NUDC: variants seen among roughly 807,000 people sequenced by gnomAD.
The protein encoded by NUDC is nuclear distribution C, dynein complex regulator, also known as nuclear migration protein nudC.
Under a neutral mutation model 45.0 loss-of-function variants are expected in NUDC, and 14 were observed. The ratio of observed to expected loss-of-function variants is 0.31; its 90% CI spans 0.21 to 0.49. NUDC has a LOEUF of 0.49. NUDC is among the 20% of genes least tolerant of loss of function. The pLI is 0.99. For missense variants in NUDC, 323 were observed against 426.2 expected (o/e 0.76, Z 2.13); for synonymous variants, 153 against 156.7 (o/e 0.98, Z 0.17).
intron 2 of NUDC, among the ~76,000 whole-genome samples, chr1:26,936,326 A>T (rs984868499): frequency 2.7e-5 from 4 of 149,326 alleles, no homozygotes; most frequent in African/African-American, 9.9e-5. Flanking sequence ...AGTAGCTGGG[A>T]TTACAGGCAT....
chr1:26,922,190 T>G, intron 1 of NUDC: 1 of 556,808 alleles, frequency 1.8e-6, no homozygotes, highest in Non-Finnish European at 3.2e-6. Context: ...GTTTCACATA[T>G]GCCCCCACCC....
At chr1:26,933,968 C>G (rs1424996777) in intron 2 of NUDC, among the ~76,000 whole-genome samples, 2 of 152,138 alleles carry the variant, frequency 1.3e-5, no homozygotes, top group Non-Finnish European at 2.9e-5. Flanking sequence ...TCCTGGCCAA[C>G]ATGGTGAAAC....
intron 3 of NUDC, chr1:26,913,413 G>C (rs757929402): frequency 6.2e-7 from 1 of 1,614,128 alleles, no homozygotes; most frequent in Non-Finnish European, 8.5e-7. Context: ...GCTCACCGGG[G>C]TTGAAGAGGA....
chr1:26,941,939 G>A (rs1013090872), intron 4 of NUDC, 121 bp downstream of exon 4: 46 of 938,620 alleles, frequency 4.9e-5, no homozygotes, highest in Non-Finnish European at 6.3e-5. Flanking sequence ...CTGGCTTTGG[G>A]AATCTTCCCC....
chr1:26,940,015 G>T (rs1249161800), intron 2 of NUDC, among the ~76,000 whole-genome samples: 3 of 152,178 alleles, frequency 2.0e-5, no homozygotes, highest in Admixed American at 2.0e-4. Context: ...TTGTCCTTGG[G>T]TAGCAGGGAG....
intron 2 of NUDC, among the ~76,000 whole-genome samples, chr1:26,926,695 G>T (rs1267590901): frequency 6.6e-6 from 1 of 151,930 alleles, no homozygotes; most frequent in Non-Finnish European, 1.5e-5. Flanking sequence ...TGCCTCCCAG[G>T]TTGTAAGTGA....
At chr1:26,931,278 A>G (rs2124112753) in intron 2 of NUDC, among the ~76,000 whole-genome samples, 1 of 146,048 alleles carries the variant, frequency 6.8e-6, no homozygotes. Flanking sequence ...GGGTTTTACC[A>G]TGTTGGCCAG....
chr1:26,913,919 C>A (rs368544283), intron 3 of NUDC: 1 of 1,479,944 alleles, frequency 6.8e-7, no homozygotes, highest in Non-Finnish European at 9.0e-7. Flanking sequence ...CATGGGCAGG[C>A]CCCTGGTTGG....
At chr1:26,927,400 T>C (rs1174178434) in intron 2 of NUDC, among the ~76,000 whole-genome samples, 1 of 130,162 alleles carries the variant, frequency 7.7e-6, no homozygotes, top group Non-Finnish European at 1.6e-5. Context: ...TTTCTTTTTC[T>C]TTTTTTTTTT....
intron 2 of NUDC, among the ~76,000 whole-genome samples, chr1:26,928,805 C>G (rs958981542): frequency 1.3e-5 from 2 of 152,182 alleles, no homozygotes; most frequent in Non-Finnish European, 2.9e-5. Flanking sequence ...AACTGGAACC[C>G]TTGTACACTG....
chr1:26,911,621 G>A (rs2082026853), intron 3 of NUDC: 3 of 581,512 alleles, frequency 5.2e-6, no homozygotes, highest in Non-Finnish European at 9.4e-6. Flanking sequence ...TTGGCCCAGA[G>A]GCTGTGGGGA....
chr1:26,918,279 CTTTT>C (rs749407425), upstream of NUDC, among the ~76,000 whole-genome samples: 3 of 113,800 alleles, frequency 2.6e-5, no homozygotes, highest in Non-Finnish European at 3.6e-5. Flanking sequence ...TCAAGTGATT[CTTTT>C]TTTTTTTTTT....
intron 2 of NUDC, among the ~76,000 whole-genome samples, chr1:26,903,326 C>T (rs1025141699): frequency 2.0e-5 from 3 of 151,908 alleles, no homozygotes; most frequent in Admixed American, 6.6e-5. Context: ...ACATAAAATC[C>T]AGGGTAGTTG....
chr1:26,916,517 A>G (rs1433607092), intron 3 of NUDC, among the ~76,000 whole-genome samples: 2 of 152,156 alleles, frequency 1.3e-5, no homozygotes, highest in Non-Finnish European at 2.9e-5. Flanking sequence ...CTGCTTCCAT[A>G]ATTCCTGGAA....
Position 26,911,748 on chromosome 1 carries a change from GC to G in NUDC, c.93+518del, listed in dbSNP as rs1362891510. ...AGCCAAGTGCTGTCTATACAGGCTT[GC>G]CCCCTCCAGGAGCATTGGGTCACCT... is the stretch of plus-strand genomic sequence containing the variant. On this transcript the variant is annotated intron_variant, in intron 3 of 6. Coordinates refer to the NUDC transcript ENST00000435827. The G allele has an allele frequency of 2.8e-6, 4 of 1,438,726 alleles. No individual in the cohort carries two copies. The African/African-American group carries it at 5.6e-5, about 20-fold the overall frequency. 89.1% of individuals were successfully genotyped at this position (1,438,726 alleles called of 1,614,324 possible).
intron 2 of NUDC, among the ~76,000 whole-genome samples, chr1:26,938,485 T>C (rs746275514): frequency 5.3e-5 from 8 of 152,234 alleles, no homozygotes; most frequent in Non-Finnish European, 8.8e-5. Context: ...GGTGTAATTA[T>C]GACCTATTGT....
intron 2 of NUDC, among the ~76,000 whole-genome samples, chr1:26,903,295 A>C (rs2081988322): frequency 6.6e-6 from 1 of 152,202 alleles, no homozygotes; most frequent in Admixed American, 6.5e-5. Context: ...AAAATCAGGA[A>C]GAAAAGCAAA....
intron 6 of NUDC, among the ~76,000 whole-genome samples, chr1:26,944,675 G>A (rs951262000): frequency 2.0e-5 from 3 of 152,082 alleles, no homozygotes; most frequent in South Asian, 2.1e-4. Flanking sequence ...GGTGGTGGGC[G>A]CCTGTAATCC....
At chr1:26,940,057 C>G (rs1177550869) in intron 2 of NUDC, among the ~76,000 whole-genome samples, 7 of 152,140 alleles carry the variant, frequency 4.6e-5, no homozygotes, top group Non-Finnish European at 8.8e-5. Context: ...TGGAAACCTC[C>G]TGGGAAGGTG....
Sources: gnomAD v4.1 joint callset for allele counts (sites outside exome capture counted in the v4.1 genomes callset) on GRCh38, gnomAD v4.1.1 for gene constraint, MANE v1.5 for transcripts, NCBI Gene and HGNC (gene_info 2026-07-23, HGNC 2026-07-21) for gene names.